The following SEC16A variants were observed in gnomAD, a reference collection of about 807,000 sequenced individuals.
SEC16A encodes the protein protein transport protein Sec16A.
Under a neutral mutation model 221.9 loss-of-function variants are expected in SEC16A, and 110 were observed. The ratio of observed to expected loss-of-function variants is 0.50; its 90% CI spans 0.42 to 0.58. The LOEUF (loss-of-function observed/expected upper bound fraction) is 0.58. Ranked by LOEUF, SEC16A falls within the 20% of genes least tolerant of loss-of-function variation. The pLI, the probability that SEC16A is intolerant of heterozygous loss-of-function variation, is 0.00. For synonymous variants in SEC16A, 1,393 were observed against 1,257.7 expected, an observed-to-expected ratio of 1.11 and a Z score of -2.28; for missense variants, 3,165 against 3,097.8, an observed-to-expected ratio of 1.02 and a Z score of -0.52.
rs191657387 is a variant in SEC16A at position 136,442,120 on chromosome 9, T to C, written c.7006-297A>G. Reference sequence around the variant, plus strand: ...CTGGAGCTGCTCTGCAGAGCCAGCCTGGCTGTCCAGAGTCCAGGGACAAGT... The same window carrying C: ...CTGGAGCTGCTCTGCAGAGCCAGCCCGGCTGTCCAGAGTCCAGGGACAAGT... On this transcript the variant is annotated intron_variant, in intron 31 of 31. Coordinates refer to ENST00000684901, the MANE Select transcript of SEC16A (RefSeq NM_014866.2). Among the ~76,000 whole-genome samples, 370 of 152,336 alleles carry C rather than the reference T, an allele frequency of 2.4e-3. 2 individuals carry two copies. Among genetic ancestry groups the C allele is most frequent in the African/African-American group, 8.8e-3 (365 of 41,572 alleles).
chr9:136,472,135 G>A (rs1320709833), intron 3 of SEC16A, 24 bp from the exon 4 acceptor site: 3 of 1,612,628 alleles, frequency 1.9e-6, no homozygotes, highest in Admixed American at 1.7e-5. Flanking sequence ...CATTTGGGCA[G>A]GATTAGACAC....
chr9:136,445,043 C>T lies in SEC16A; in HGVS notation c.6927+9G>A, dbSNP rs772745259. On this transcript the variant is annotated intron_variant, in intron 30 of 31. Transcript: ENST00000684901. ...TCTCATGTTAGTGAGGACCACCAGCCGCAGGTACCTGATTAAAATGCTGGC... is the reference window on the plus strand; with the variant it reads ...TCTCATGTTAGTGAGGACCACCAGCTGCAGGTACCTGATTAAAATGCTGGC... 24 of 1,603,316 alleles carry T rather than the reference C, an allele frequency of 1.5e-5. No homozygotes were observed. The highest frequency in any genetic ancestry group is 3.4e-5 in the South Asian group (3 of 88,728).
chr9:136,448,404 G>A, intron 23 of SEC16A: 2 of 699,548 alleles, frequency 2.9e-6, no homozygotes, highest in African/African-American at 2.1e-5. Flanking sequence ...GAGACACCAG[G>A]AGGATGGAGG....
In SEC16A at chr9:136,474,349, T is replaced by C. The variant is rs768291665; in HGVS notation, c.3267A>G (p.Ala1089=). Residue 1089 remains alanine, a synonymous_variant, in exon 3 of 32, where the codon GCA becomes GCG. Coordinates refer to ENST00000684901, the MANE Select transcript of SEC16A (RefSeq NM_014866.2). ...SELSNPESLP[A]QGQAQNSAQS... is the part of the protein sequence containing the mutation. ...GTGCTGAGTTCTGGGCCTGTCCCTG[T>C]GCGGGCAGACTTTCTGGATTTGACA... The C allele has an allele frequency of 1.9e-6, 3 of 1,612,686 alleles. No homozygotes were observed. The highest frequency in any genetic ancestry group is 1.7e-5 in the Admixed American group (1 of 59,960).
chr9:136,481,683 A>G (rs375479899), intron 1 of SEC16A, among the ~76,000 whole-genome samples: 1 of 152,138 alleles, frequency 6.6e-6, no homozygotes, highest in South Asian at 2.1e-4. Flanking sequence ...GGAAAACAAT[A>G]GTGTGCCAGG....
rs560757208 is a variant in SEC16A, at chr9:136,457,636, G to A, written c.5410-52C>T. On this transcript the variant is annotated intron_variant, in intron 17 of 31. Coordinates refer to ENST00000684901, the MANE Select transcript of SEC16A (RefSeq NM_014866.2). The stretch of plus-strand genomic sequence containing the variant: ...TGCGGCTCCCCCGCGTCCGAGCATC[G>A]CCGATGGACAAAGCCTTGTACTGCC... 2.2e-5 allele frequency: 35 copies of A among 1,569,028 alleles called. 1 individual carries two copies. Among genetic ancestry groups the A allele is most frequent in the South Asian group, 1.5e-4 (13 of 85,216 alleles).
rs1243899506 is a variant in SEC16A at position 136,445,644 on chromosome 9, C to T, written c.6867+1G>A. The T allele has an allele frequency of 1.3e-6, 2 of 1,550,018 alleles. No homozygotes were observed. Among genetic ancestry groups the T allele is most frequent in the Non-Finnish European group, 8.7e-7 (1 of 1,146,600 alleles). The stretch of plus-strand genomic sequence containing the variant: ...GGGGCCCTGGCGTCGGCACTCCTTA[C>T]CTCTCCTCCCTGGGAACCCTCAGGC... On this transcript the variant is annotated splice_donor_variant, in intron 29 of 31. Coordinates refer to ENST00000684901, the MANE Select transcript of SEC16A (RefSeq NM_014866.2). LOFTEE classifies it high-confidence loss of function.
chr9:136,483,841 G>T, upstream of SEC16A: 1 of 976,652 alleles, frequency 1.0e-6, no homozygotes, highest in Non-Finnish European at 1.2e-6. Context: ...TGCGGGACGC[G>T]GAGGGCCGAC....
Position 136,459,193 on chromosome 9 carries a change from C to G in SEC16A, c.5350G>C (p.Glu1784Gln). Residue 1784 changes from glutamate to glutamine, a missense_variant, in exon 17 of 32, where the codon GAA becomes CAA. Transcript: ENST00000684901. The surrounding 1 kb of genome is among the most constrained non-coding windows in gnomAD (Gnocchi z 6.1). ...FATNEAIQRT[E>Q]AYEYAQSLGA... ...AGGGACTGGGCGTACTCATAGGCTT[C>G]CGTCCTCTGGATTGCTTCGTTGGTT... is the stretch of plus-strand genomic sequence containing the variant. 1 of 1,613,908 alleles carries G rather than the reference C, an allele frequency of 6.2e-7. No individual in the cohort carries two copies. The highest frequency in any genetic ancestry group is 8.5e-7 in the Non-Finnish European group (1 of 1,179,816).
Position 136,441,465 on chromosome 9 carries a change from C to G in SEC16A, c.*290G>C, listed in dbSNP as rs748744189. On this transcript the variant is annotated 3_prime_UTR_variant, in exon 32 of 32. Transcript: ENST00000684901. ...GAACATTCTTAAATGACCAGGAATACTATATCCTTAAATCATCCTAAATGA... is the reference window on the plus strand; with the variant it reads ...GAACATTCTTAAATGACCAGGAATAGTATATCCTTAAATCATCCTAAATGA... 2 of 466,654 alleles carry G rather than the reference C, an allele frequency of 4.3e-6. No individual in the cohort carries two copies. The highest frequency in any genetic ancestry group is 7.9e-6 in the Non-Finnish European group (2 of 252,626). The allele number at this position is 466,654 out of a possible 1,614,324, so 28.9% of individuals were successfully genotyped here.
intron 13 of SEC16A, among the ~76,000 whole-genome samples, chr9:136,460,803 C>A (rs912369944): frequency 6.6e-6 from 1 of 152,002 alleles, no homozygotes; most frequent in African/African-American, 2.4e-5. Flanking sequence ...GTCTCAACTA[C>A]TTGGGAGGCC....
chr9:136,482,621 TAA>T (rs1842537549), intron 1 of SEC16A, among the ~76,000 whole-genome samples: 1 of 152,244 alleles, frequency 6.6e-6, no homozygotes, highest in Admixed American at 6.5e-5. Context: ...TTTGAAAAGT[TAA>T]GAGTCTTACG....
At chr9:136,457,675 G>A in intron 17 of SEC16A, 91 bp from the exon 18 acceptor site, 1 of 1,437,976 alleles carries the variant, frequency 7.0e-7, no homozygotes, top group Non-Finnish European at 9.4e-7. Flanking sequence ...AGGCTCCCCT[G>A]CATCCGAGCA....
intron 21 of SEC16A, among the ~76,000 whole-genome samples, chr9:136,453,806 G>A (rs1838218048): frequency 6.6e-6 from 1 of 152,194 alleles, no homozygotes; most frequent in Non-Finnish European, 1.5e-5. Flanking sequence ...CATCTCACCA[G>A]GCGTCCAGCA....
At chr9:136,464,601 G>T (rs201571357) in intron 8 of SEC16A, 39 bp from the exon 9 acceptor site, 122 of 1,557,532 alleles carry the variant, frequency 7.8e-5, no homozygotes, top group Middle Eastern at 6.8e-4. Context: ...CAATCAGCTT[G>T]TCACTGATGC....
At position 136,477,521 on chromosome 9, in the gene SEC16A, C is replaced by T. The variant is rs1234159305; in HGVS notation, c.95G>A (p.Arg32Lys). ...TGCTGCATTATTATTAGCCCGTCTC[C>T]TGTAAGGGCTGCTAGCCCAGAACAC... ...RSVFWASSPYRRRANNNAAVA... is the reference protein window; with the variant it reads ...RSVFWASSPYKRRANNNAAVA... The change falls in exon 3 of 32, where the codon AGG (arginine) becomes AAG (lysine). Residue 32 changes from arginine to lysine, a missense_variant. Physicochemically the swap from Arg to Lys is conservative, Grantham distance 26. Transcript: ENST00000684901. The T allele has an allele frequency of 6.2e-7, 1 of 1,613,804 alleles. No homozygotes were observed. Among genetic ancestry groups the T allele is most frequent in the South Asian group, 1.1e-5 (1 of 91,070 alleles).
upstream of SEC16A, chr9:136,483,108 C>T (rs1289106474): frequency 5.1e-6 from 4 of 778,280 alleles, no homozygotes; most frequent in Admixed American, 1.3e-4. Context: ...GCGCCCCGCC[C>T]CTGGCCCCGC....
rs1368156531 is a variant in SEC16A at position 136,477,544 on chromosome 9, C to G, written c.72G>C (p.Val24=). 2 of 1,613,406 alleles carry G rather than the reference C, an allele frequency of 1.2e-6. No individual in the cohort carries two copies. Among genetic ancestry groups the G allele is most frequent in the Non-Finnish European group, 1.7e-6 (2 of 1,179,846 alleles). ...TCCTGTAAGGGCTGCTAGCCCAGAA[C>G]ACGCTCCGAGGATTCCCGGCTGGAG... ...GPPPAGNPRS[V]FWASSPYRRR... The change falls in exon 3 of 32, where the codon GTG becomes GTC. Residue 24 remains valine (V), a synonymous_variant. Transcript: ENST00000684901.
Position 136,465,996 on chromosome 9 carries a change from GTAGCCA to G in SEC16A, c.4263_4268del (p.Gly1422_Tyr1423del), listed in dbSNP as rs1840097032. 6.2e-7 allele frequency: 1 copy of G among 1,612,226 alleles called. No individual in the cohort carries two copies. The highest frequency in any genetic ancestry group is 1.1e-5 in the South Asian group (1 of 91,094). Reference sequence around the variant, plus strand: ...TGGCAGGCCAGACGGTGTCGGCAGGGTAGCCATACTCTGGGAAGCCGGGGCCACTGC... The same window carrying G: ...TGGCAGGCCAGACGGTGTCGGCAGGGTACTCTGGGAAGCCGGGGCCACTGC... On this transcript the variant is annotated inframe_deletion, in exon 8 of 32. Transcript: ENST00000684901.
Sources: allele counts gnomAD v4.1 joint callset (sites outside exome capture counted in the v4.1 genomes callset), GRCh38; gene constraint gnomAD v4.1.1; non-coding constraint Gnocchi (gnomAD v3.1); transcripts MANE v1.5; gene names NCBI Gene and HGNC (gene_info 2026-07-23, HGNC 2026-07-21).